The following GALNT17 variants were observed in gnomAD, a reference collection of about 807,000 sequenced individuals.
GALNT17 encodes polypeptide N-acetylgalactosaminyltransferase 17.
In GALNT17, 29 loss-of-function variants were observed where a neutral mutation model predicts 63.7. The ratio of observed to expected loss-of-function variants is 0.46; its 90% CI spans 0.34 to 0.62. The LOEUF (loss-of-function observed/expected upper bound fraction) is 0.62. Ranked by LOEUF, GALNT17 falls within the 20% of genes least tolerant of loss-of-function variation. The pLI is 0.01. For synonymous variants in GALNT17, 305 were observed against 318.3 expected (o/e 0.96, Z 0.45); for missense variants, 603 against 799.6 (o/e 0.75, Z 2.97).
intron 9 of GALNT17, among the ~76,000 whole-genome samples, chr7:71,677,983 C>G (rs1200674071): frequency 2.0e-5 from 3 of 152,058 alleles, no homozygotes; most frequent in Non-Finnish European, 2.9e-5. Context: ...AATCCTCAGC[C>G]CTTTGACCTT....
chr7:71,236,216 C>G (rs1031405276), intron 1 of GALNT17, among the ~76,000 whole-genome samples: 1 of 151,852 alleles, frequency 6.6e-6, no homozygotes, highest in Non-Finnish European at 1.5e-5. Context: ...TAAAAATCTA[C>G]TCTCTTAGGA....
intron 5 of GALNT17, among the ~76,000 whole-genome samples, chr7:71,479,849 C>T (rs1431737084): frequency 6.6e-6 from 1 of 152,148 alleles, no homozygotes; most frequent in Admixed American, 6.5e-5. Context: ...AGGAAATCTT[C>T]CAAAGCAAAC....
chr7:71,376,542 C>T (rs971133843), intron 2 of GALNT17, among the ~76,000 whole-genome samples: 4 of 146,606 alleles, frequency 2.7e-5, no homozygotes, highest in Non-Finnish European at 4.5e-5. Context: ...CTTCTGCTCC[C>T]GTATGTGTGC....
At chr7:71,188,049 A>G (rs535765859) in intron 1 of GALNT17, among the ~76,000 whole-genome samples, 1 of 152,302 alleles carries the variant, frequency 6.6e-6, no homozygotes, top group Admixed American at 6.5e-5. Context: ...GTTGCTGCGA[A>G]TGCCATTAAT....
intron 2 of GALNT17, among the ~76,000 whole-genome samples, chr7:71,372,378 T>C (rs1384480150): frequency 6.6e-6 from 1 of 152,098 alleles, no homozygotes; most frequent in African/African-American, 2.4e-5. Context: ...TTGGACAGGC[T>C]GGTCTCGAAC....
chr7:71,275,972 C>T (rs538057582), intron 1 of GALNT17, among the ~76,000 whole-genome samples: 1 of 152,240 alleles, frequency 6.6e-6, no homozygotes, highest in East Asian at 1.9e-4. Context: ...ACTTATACCC[C>T]TGGCCTACTT....
intron 5 of GALNT17, among the ~76,000 whole-genome samples, chr7:71,539,731 T>TTG: frequency 6.8e-6 from 1 of 146,272 alleles, no homozygotes; most frequent in Non-Finnish European, 1.5e-5. Flanking sequence ...TTTTTTTTTT[T>TTG]TGAGGCACGG....
chr7:71,192,774 G>C (rs1212175731), intron 1 of GALNT17, among the ~76,000 whole-genome samples: 3 of 152,184 alleles, frequency 2.0e-5, no homozygotes, highest in East Asian at 1.9e-4. Context: ...ACATATGAGA[G>C]TTCCGGTGGT....
intron 1 of GALNT17, among the ~76,000 whole-genome samples, chr7:71,287,289 C>A (rs543918511): frequency 6.6e-6 from 1 of 151,844 alleles, no homozygotes; most frequent in Non-Finnish European, 1.5e-5. Context: ...GAGGTTTTGC[C>A]CTGTTTTCTG....
At chr7:71,156,449 T>A (rs1290138560) in intron 1 of GALNT17, among the ~76,000 whole-genome samples, 1 of 151,830 alleles carries the variant, frequency 6.6e-6, no homozygotes, top group Non-Finnish European at 1.5e-5. Flanking sequence ...TGGGTGAGTC[T>A]AATGAGCCAT....
At chr7:71,668,156 T>C (rs778231859) in intron 7 of GALNT17, among the ~76,000 whole-genome samples, 3 of 152,172 alleles carry the variant, frequency 2.0e-5, no homozygotes, top group East Asian at 1.9e-4. Context: ...TCAAGTCTTT[T>C]GACTGTAGCC....
At chr7:71,489,530 A>G (rs1787971739) in intron 5 of GALNT17, among the ~76,000 whole-genome samples, 1 of 152,226 alleles carries the variant, frequency 6.6e-6, no homozygotes. Context: ...AGGATTGGAT[A>G]AGAGATCAAG....
chr7:71,388,495 G>T, intron 3 of GALNT17, 94 bp downstream of exon 3: 2 of 1,438,208 alleles, frequency 1.4e-6, no homozygotes, highest in South Asian at 1.3e-5. Context: ...TGTGTCTCCT[G>T]GTCCCTGGAG....
At chr7:71,554,512 C>T (rs1406034793) in intron 5 of GALNT17, among the ~76,000 whole-genome samples, 1 of 152,152 alleles carries the variant, frequency 6.6e-6, no homozygotes, top group Non-Finnish European at 1.5e-5. Flanking sequence ...ACCTCCCCTT[C>T]GCCTGGGGTA....
At chr7:71,513,825 T>A (rs1371732466) in intron 5 of GALNT17, among the ~76,000 whole-genome samples, 1 of 152,142 alleles carries the variant, frequency 6.6e-6, no homozygotes, top group African/African-American at 2.4e-5. Flanking sequence ...TCAATGATAA[T>A]TGAGACAAAT....
At chr7:71,548,124 C>A (rs1004006753) in intron 5 of GALNT17, among the ~76,000 whole-genome samples, 2 of 151,676 alleles carry the variant, frequency 1.3e-5, no homozygotes, top group Non-Finnish European at 2.9e-5. Context: ...CACCTGTAAT[C>A]CCAGCTACTT....
chr7:71,222,224 A>G (rs1789599545), intron 1 of GALNT17, among the ~76,000 whole-genome samples: 1 of 151,688 alleles, frequency 6.6e-6, no homozygotes, highest in African/African-American at 2.4e-5. Flanking sequence ...AGATTTTACC[A>G]GATTTCCCAG....
chr7:71,627,982 A>G (rs1790398480), intron 6 of GALNT17, among the ~76,000 whole-genome samples: 1 of 152,188 alleles, frequency 6.6e-6, no homozygotes, highest in Admixed American at 6.5e-5. Context: ...TTATGTGTAA[A>G]TCACAGATAC....
At chr7:71,362,678 C>T (rs1792426487) in intron 2 of GALNT17, among the ~76,000 whole-genome samples, 1 of 152,116 alleles carries the variant, frequency 6.6e-6, no homozygotes, top group South Asian at 2.1e-4. Flanking sequence ...GATTTAGTGG[C>T]ATTTTTCTTG....
Sources: gnomAD v4.1 joint callset for allele counts (sites outside exome capture counted in the v4.1 genomes callset) on GRCh38, gnomAD v4.1.1 for gene constraint, MANE v1.5 for transcripts, NCBI Gene and HGNC (gene_info 2026-07-23, HGNC 2026-07-21) for gene names.